Variants in CD28 observed in about 807,000 individuals in gnomAD.
CD28 encodes the protein T-cell-specific surface glycoprotein CD28.
A neutral mutation model predicts 21.4 loss-of-function variants in CD28; 8 were observed. The ratio of observed to expected loss-of-function variants is 0.37; its 90% confidence interval spans 0.22 to 0.68. The LOEUF (loss-of-function observed/expected upper bound fraction) is 0.68, where lower values mean the gene tolerates loss of function less well. Among genes scored for constraint, CD28 ranks in the 30% least tolerant of loss-of-function variants. The pLI is 0.55. For synonymous variants in CD28, 106 were observed against 104.0 expected, an observed-to-expected ratio of 1.02 and a Z score of -0.12; for missense variants, 239 against 272.2, an observed-to-expected ratio of 0.88 and a Z score of 0.86.
At chr2:203,734,420 A>T (rs1361353279) in intron 3 of CD28, among the ~76,000 whole-genome samples, 1 of 152,228 alleles carries the variant, frequency 6.6e-6, no homozygotes, top group Non-Finnish European at 1.5e-5. Context: ...GCAAATGCTA[A>T]TGTAAGAAGA....
chr2:203,721,128 C>T (rs537899764), intron 1 of CD28, among the ~76,000 whole-genome samples: 3 of 152,164 alleles, frequency 2.0e-5, no homozygotes, highest in Admixed American at 6.5e-5. Flanking sequence ...AGTAAGCAAA[C>T]GATTTCAAGC....
chr2:203,733,275 T>G (rs1473382791), intron 3 of CD28, among the ~76,000 whole-genome samples: 1 of 152,188 alleles, frequency 6.6e-6, no homozygotes, highest in Admixed American at 6.5e-5. Flanking sequence ...CCCTCCCCGT[T>G]GTGATGATCC....
rs1479869877 is a variant in CD28 at position 203,729,729 on chromosome 2, C to T, written c.491C>T (p.Ala164Val). 1.9e-6 allele frequency: 3 copies of T among 1,614,028 alleles called. No individual in the cohort carries two copies. Among genetic ancestry groups the T allele is most frequent in the East Asian group, 2.2e-5 (1 of 44,882 alleles). ...WVLVVVGGVL[A>V]CYSLLVTVAF... is the part of the protein sequence containing the mutation. ...CTGGTGGTGGTTGGTGGAGTCCTGG[C>T]TTGCTATAGCTTGCTAGTAACAGTG... is the stretch of plus-strand genomic sequence containing the variant. Residue 164 changes from alanine to valine, a missense_variant, in exon 3 of 4, where the codon GCT becomes GTT. Physicochemically the swap from Ala to Val is moderately conservative, Grantham distance 64. Coordinates refer to ENST00000324106, the MANE Select transcript of CD28 (RefSeq NM_006139.4).
intron 3 of CD28, among the ~76,000 whole-genome samples, chr2:203,733,432 A>C (rs1242587392): frequency 6.6e-6 from 1 of 152,152 alleles, no homozygotes; most frequent in African/African-American, 2.4e-5. Flanking sequence ...GTAAAAAAAA[A>C]ACAGCATTTG....
chr2:203,728,111 G>A (rs905118329), intron 2 of CD28, among the ~76,000 whole-genome samples: 1 of 152,154 alleles, frequency 6.6e-6, no homozygotes, highest in African/African-American at 2.4e-5. Context: ...CGCCCAGCCC[G>A]TACCTTTCCA....
intron 1 of CD28, among the ~76,000 whole-genome samples, chr2:203,725,028 C>T (rs148391164): frequency 0.012 from 1,825 of 152,230 alleles, 35 homozygotes; most frequent in African/African-American, 0.042. Context: ...CAGTGGCTCA[C>T]ACCTGTAATC....
At chr2:203,713,808 A>G (rs1483787542) in intron 1 of CD28, among the ~76,000 whole-genome samples, 2 of 151,200 alleles carry the variant, frequency 1.3e-5, no homozygotes, top group East Asian at 1.9e-4. Flanking sequence ...TATGTTTGAC[A>G]TGTGGAAGGA....
At chr2:203,720,539 G>A (rs1398549955) in intron 1 of CD28, among the ~76,000 whole-genome samples, 1 of 152,172 alleles carries the variant, frequency 6.6e-6, no homozygotes, top group Non-Finnish European at 1.5e-5. Flanking sequence ...AGCATGAACT[G>A]GAAAGCAAAA....
At chr2:203,709,841 C>T (rs1404646522) in intron 1 of CD28, among the ~76,000 whole-genome samples, 3 of 152,184 alleles carry the variant, frequency 2.0e-5, no homozygotes, top group Middle Eastern at 3.2e-3. Context: ...GAGATCATTC[C>T]TTTTCACTTC....
At chr2:203,706,852 AAGT>A (rs760369071) in intron 1 of CD28, 104 bp downstream of exon 1, 3 of 913,220 alleles carry the variant, frequency 3.3e-6, no homozygotes, top group Non-Finnish European at 5.3e-6. Flanking sequence ...TGAACATTTG[AAGT>A]GTAGTTTTGC....
At chr2:203,721,614 G>A (rs1320701571) in intron 1 of CD28, among the ~76,000 whole-genome samples, 8 of 151,952 alleles carry the variant, frequency 5.3e-5, no homozygotes, top group Non-Finnish European at 1.2e-4. Context: ...CTTTTACTTA[G>A]TAAAAGTTGG....
chr2:203,720,919 T>C (rs2106115546), intron 1 of CD28, among the ~76,000 whole-genome samples: 1 of 152,356 alleles, frequency 6.6e-6, no homozygotes, highest in East Asian at 1.9e-4. Flanking sequence ...TTCTCTCATT[T>C]ACTGTCTTGC....
rs774531956 is a variant in CD28, at chr2:203,734,870, G to A, written c.621G>A (p.Gln207=). The A allele has an allele frequency of 3.1e-6, 5 of 1,614,062 alleles. No individual in the cohort carries two copies. In the African/African-American group the frequency reaches 4.0e-5, roughly 13 times the overall value. ...RRPGPTRKHY[Q]PYAPPRDFAA... ...CCGGGCCCACCCGCAAGCATTACCA[G>A]CCCTATGCCCCACCACGCGACTTCG... is the stretch of plus-strand genomic sequence containing the variant. The change falls in exon 4 of 4, where the codon CAG becomes CAA. Residue 207 remains glutamine (Q), a synonymous_variant. Coordinates refer to ENST00000324106, the MANE Select transcript of CD28 (RefSeq NM_006139.4).
chr2:203,714,836 C>T (rs985922010), intron 1 of CD28, among the ~76,000 whole-genome samples: 2 of 152,294 alleles, frequency 1.3e-5, no homozygotes, highest in African/African-American at 4.8e-5. Flanking sequence ...TAACCAGGAT[C>T]CTAAATGCTG....
At chr2:203,717,941 T>C (rs894087797) in intron 1 of CD28, among the ~76,000 whole-genome samples, 5 of 152,238 alleles carry the variant, frequency 3.3e-5, no homozygotes, top group Non-Finnish European at 5.9e-5. Context: ...CACAGAATTA[T>C]TTTTAAACCA....
chr2:203,734,948 C>T lies in CD28; in HGVS notation c.*36C>T. 6.2e-7 allele frequency: 1 copy of T among 1,606,940 alleles called. No individual in the cohort carries two copies. Among genetic ancestry groups the T allele is most frequent in the Non-Finnish European group, 8.5e-7 (1 of 1,176,112 alleles). On this transcript the variant is annotated 3_prime_UTR_variant, in exon 4 of 4. Transcript: ENST00000324106. Reference sequence around the variant, plus strand: ...TATCCAGAAGCCAGCCGGCTGGCAGCCCCCATCTGCTCAATATCACTGCTC... The same window carrying T: ...TATCCAGAAGCCAGCCGGCTGGCAGTCCCCATCTGCTCAATATCACTGCTC...
At position 203,724,538 on chromosome 2, in the gene CD28, C is replaced by T. The variant is rs116125006; in HGVS notation, c.53-2095C>T. ...CATTTTAAAGTTCTTGATATAAAGC[C>T]AGCAATGATTTTTTAAAAAGAATTT... is the stretch of plus-strand genomic sequence containing the variant. On this transcript the variant is annotated intron_variant, in intron 1 of 3. Coordinates refer to ENST00000324106, the MANE Select transcript of CD28 (RefSeq NM_006139.4). Among the ~76,000 whole-genome samples the T allele has an allele frequency of 4.8e-3, 731 of 152,170 alleles. 6 individuals are homozygous for T. The highest frequency in any genetic ancestry group is 0.016 in the African/African-American group (673 of 41,514).
Position 203,735,634 on chromosome 2 carries a change from C to T in CD28, c.*722C>T, listed in dbSNP as rs1306107474. On this transcript the variant is annotated 3_prime_UTR_variant, in exon 4 of 4. Coordinates refer to ENST00000324106, the MANE Select transcript of CD28 (RefSeq NM_006139.4). ...GTCATGAGACTTCAGTGTTAATGTT[C>T]ACAATATACTTTCGAAAGAATAAAA... is the stretch of plus-strand genomic sequence containing the variant. 6.6e-6 allele frequency: 1 copy of T among 152,548 alleles called. No homozygotes were observed. Among genetic ancestry groups the T allele is most frequent in the Non-Finnish European group, 1.5e-5 (1 of 68,036 alleles). The allele number at this position is 152,548 out of a possible 1,614,324, so 9.4% of individuals were successfully genotyped here.
intron 1 of CD28, among the ~76,000 whole-genome samples, chr2:203,723,573 G>A (rs553020157): frequency 6.6e-6 from 1 of 152,036 alleles, no homozygotes; most frequent in African/African-American, 2.4e-5. Context: ...GTTAATAAAT[G>A]GGCAAATGAT....
Sources: allele counts gnomAD v4.1 joint callset (sites outside exome capture counted in the v4.1 genomes callset), GRCh38; gene constraint gnomAD v4.1.1; transcripts MANE v1.5; gene names NCBI Gene and HGNC (gene_info 2026-07-23, HGNC 2026-07-21).